PRKCB: variants seen among roughly 807,000 people sequenced by gnomAD.
The protein encoded by PRKCB is protein kinase C beta.
Under a neutral mutation model 81.5 loss-of-function variants are expected in PRKCB, and 13 were observed. That is an observed-to-expected ratio of 0.16 (90% CI 0.10 to 0.25). The LOEUF (loss-of-function observed/expected upper bound fraction) is 0.25, where lower values mean the gene tolerates loss of function less well. Among genes scored for constraint, PRKCB ranks in the 10% least tolerant of loss-of-function variants. The probability of loss-of-function intolerance (pLI) is 1.00; values close to 1 mark genes in which losing one functional copy is unlikely to be tolerated. For synonymous variants in PRKCB, 335 were observed against 321.4 expected, an observed-to-expected ratio of 1.04 and a Z score of -0.45; for missense variants, 509 against 875.7, an observed-to-expected ratio of 0.58 and a Z score of 5.29.
At chr16:23,912,507 C>CCTTTTTTTTTT (rs1963675554) in intron 2 of PRKCB, among the ~76,000 whole-genome samples, 1 of 72,078 alleles carries the variant, frequency 1.4e-5, no homozygotes, top group African/African-American at 5.8e-5. Flanking sequence ...TTTCTTTCTT[C>CCTTTTTTTTTT]TTTTTTTTTT....
At chr16:24,091,841 G>T (rs12925597) in intron 5 of PRKCB, among the ~76,000 whole-genome samples, 8,383 of 152,132 alleles carry the variant, frequency 0.055, 673 homozygotes, top group African/African-American at 0.18. Context: ...CTTTACCTGG[G>T]TGTTCTGGAG....
At chr16:24,103,069 C>A (rs1333503479) in intron 7 of PRKCB, among the ~76,000 whole-genome samples, 6 of 152,276 alleles carry the variant, frequency 3.9e-5, no homozygotes, top group African/African-American at 1.4e-4. Flanking sequence ...GACAAGGTTT[C>A]ACCATGTTGG....
rs1264873517 is a variant in PRKCB, at chr16:24,219,013, C to A, written c.*4197C>A. Reference sequence around the variant, plus strand: ...TATATAGGAGGTGAGGACTCCAGCTCCACCTGCCCCAGGTGGGTGTGGTGA... The same window carrying A: ...TATATAGGAGGTGAGGACTCCAGCTACACCTGCCCCAGGTGGGTGTGGTGA... On this transcript the variant is annotated 3_prime_UTR_variant, in exon 17 of 17. Transcript: ENST00000643927. 1.0e-6 allele frequency: 1 copy of A among 985,318 alleles called. No individual in the cohort carries two copies. The allele number at this position is 985,318 out of a possible 1,614,324, so 61.0% of individuals were successfully genotyped here.
intron 2 of PRKCB, among the ~76,000 whole-genome samples, chr16:23,889,247 G>C (rs3785398): frequency 0.27 from 41,490 of 151,896 alleles, 5,899 homozygotes; most frequent in South Asian, 0.43. Context: ...TTGAATCCCA[G>C]CTCTGCCACT....
intron 2 of PRKCB, among the ~76,000 whole-genome samples, chr16:23,907,320 G>C (rs1448707315): frequency 6.6e-6 from 1 of 152,208 alleles, no homozygotes; most frequent in South Asian, 2.1e-4. Context: ...TTGTTCCGTT[G>C]CCCATGCAGT....
At chr16:24,106,685 A>T (rs1214025164) in intron 7 of PRKCB, among the ~76,000 whole-genome samples, 1 of 152,228 alleles carries the variant, frequency 6.6e-6, no homozygotes, top group Non-Finnish European at 1.5e-5. Flanking sequence ...TCAATCTTGT[A>T]TGAAACTTTT....
intron 3 of PRKCB, among the ~76,000 whole-genome samples, chr16:23,988,997 A>G (rs1423483611): frequency 2.0e-5 from 3 of 151,986 alleles, no homozygotes; most frequent in Admixed American, 6.6e-5. Context: ...GTCTTGCTCT[A>G]TCGCCCAGGC....
At chr16:24,191,428 A>C (rs764320045) in intron 16 of PRKCB, 198 bp downstream of exon 16, 11 of 546,718 alleles carry the variant, frequency 2.0e-5, no homozygotes, top group Non-Finnish European at 2.8e-5. Flanking sequence ...AGTCTCTATA[A>C]AGATGGAAAC....
At chr16:23,998,115 A>G (rs1964983896) in intron 3 of PRKCB, among the ~76,000 whole-genome samples, 2 of 152,074 alleles carry the variant, frequency 1.3e-5, no homozygotes, top group Non-Finnish European at 2.9e-5. Flanking sequence ...GGAAGGGTAA[A>G]TTCACTCTCT....
intron 3 of PRKCB, among the ~76,000 whole-genome samples, chr16:24,009,776 G>A (rs1199978289): frequency 6.6e-6 from 1 of 152,002 alleles, no homozygotes; most frequent in Non-Finnish European, 1.5e-5. Flanking sequence ...CACTTTGGGA[G>A]GCCGAGGTAG....
At chr16:24,157,765 C>T (rs935715901) in intron 10 of PRKCB, among the ~76,000 whole-genome samples, 1 of 151,142 alleles carries the variant, frequency 6.6e-6, no homozygotes, top group African/African-American at 2.4e-5. Context: ...GGACTTTTAC[C>T]CCATTTCGCT....
intron 5 of PRKCB, among the ~76,000 whole-genome samples, chr16:24,059,834 T>C (rs1389990745): frequency 1.3e-5 from 2 of 152,172 alleles, no homozygotes; most frequent in East Asian, 1.9e-4. Context: ...AGGCTAAGAA[T>C]TGAACAGAGT....
rs1555502936 is a variant in PRKCB, at chr16:24,213,006, A to ATT, written c.1864-1651_1864-1650insTT. On this transcript the variant is annotated intron_variant, in intron 16 of 16. Transcript: ENST00000643927. ...GCCACCAGGCTGCCACCGTACTTGT[A>ATT]TATTTATTTATTTATTTATTTATTT... Among the ~76,000 whole-genome samples, 685 of 143,816 alleles carry ATT rather than the reference A, an allele frequency of 4.8e-3. 3 individuals carry two copies. Among genetic ancestry groups the ATT allele is most frequent in the Middle Eastern group, 0.018 (5 of 276 alleles). The allele number at this position is 143,816 out of a possible 152,430, so 94.3% of individuals were successfully genotyped here. A position where few individuals can be genotyped will look rare whatever the true frequency, so the allele number is the denominator to read the frequency against.
chr16:23,954,240 C>T (rs890929388), intron 2 of PRKCB, among the ~76,000 whole-genome samples: 17 of 152,006 alleles, frequency 1.1e-4, no homozygotes, highest in African/African-American at 3.6e-4. Context: ...TGAGACACCA[C>T]GCCTGACCAG....
In PRKCB at chr16:23,899,536, A is replaced by G. The variant is rs1023662028; in HGVS notation, c.205+62130A>G. Among the ~76,000 whole-genome samples, 16 of 152,176 alleles carry G rather than the reference A, an allele frequency of 1.1e-4. 2 individuals are homozygous for G. The highest frequency in any genetic ancestry group is 1.8e-4 in the Non-Finnish European group (12 of 68,032). Reference sequence around the variant, plus strand: ...AAGAAGCCCCAGTACCAAACTTTGCATGTATATACGTTTGAAACAAGCTTT... The same window carrying G: ...AAGAAGCCCCAGTACCAAACTTTGCGTGTATATACGTTTGAAACAAGCTTT... On this transcript the variant is annotated intron_variant, in intron 2 of 16. Transcript: ENST00000643927.
chr16:23,865,314 TG>T (rs1962753830), intron 2 of PRKCB, among the ~76,000 whole-genome samples: 1 of 149,198 alleles, frequency 6.7e-6, no homozygotes, highest in Non-Finnish European at 1.5e-5. Flanking sequence ...TTTGTTTGTT[TG>T]TTTTTTGGAC....
chr16:23,987,370 A>G (rs1964815398), intron 2 of PRKCB, among the ~76,000 whole-genome samples: 1 of 131,118 alleles, frequency 7.6e-6, no homozygotes, highest in South Asian at 2.3e-4. Flanking sequence ...TTTGCCTTGT[A>G]GTTTTCTACA....
At chr16:23,988,475 C>T in intron 2 of PRKCB, 33 bp from the exon 3 acceptor site, 1 of 1,587,570 alleles carries the variant, frequency 6.3e-7, no homozygotes, top group South Asian at 1.1e-5. Flanking sequence ...TTTCCTTCTT[C>T]CCTTCCTCCC....
Position 23,836,186 on chromosome 16 carries a change from C to A in PRKCB, c.11C>A (p.Pro4Gln). 6.4e-7 allele frequency: 1 copy of A among 1,564,566 alleles called. No individual in the cohort carries two copies. Among genetic ancestry groups the A allele is most frequent in the Non-Finnish European group, 8.6e-7 (1 of 1,158,566 alleles). Residue 4 changes from proline (P) to glutamine (Q), a missense_variant, in exon 1 of 17, where the codon CCG becomes CAG. Pro to Gln is a moderately conservative substitution (Grantham distance 76). This residue lies in a region of PRKCB where 33 missense variants were observed against 21.9 expected (regional missense o/e 1.50). Transcript: ENST00000643927. MAD[P>Q]AAGPPPSEGE... Reference sequence around the variant, plus strand: ...CTCCCCGCGCGCAAGATGGCTGACCCGGCTGCGGGGCCGCCGCCGAGCGAG... The same window carrying A: ...CTCCCCGCGCGCAAGATGGCTGACCAGGCTGCGGGGCCGCCGCCGAGCGAG...
Sources: allele counts gnomAD v4.1 joint callset (sites outside exome capture counted in the v4.1 genomes callset), GRCh38; gene constraint gnomAD v4.1.1; regional missense constraint gnomAD v4.1.1; transcripts MANE v1.5; gene names NCBI Gene and HGNC (gene_info 2026-07-23, HGNC 2026-07-21).